The following SLC38A9 variants were observed in gnomAD, a reference collection of about 807,000 sequenced individuals.
SLC38A9 encodes solute carrier family 38 member 9, also known as neutral amino acid transporter 9.
SLC38A9 carries 48 observed loss-of-function variants against 62.3 expected under a neutral mutation model. The ratio of observed to expected loss-of-function variants is 0.77; its 90% CI spans 0.61 to 0.98. SLC38A9 has a LOEUF of 0.98. Among genes scored for constraint, SLC38A9 ranks in the 50% least tolerant of loss-of-function variants. The pLI is 0.00. For missense variants in SLC38A9, 541 were observed against 679.8 expected, an observed-to-expected ratio of 0.80 and a Z score of 2.27; for synonymous variants, 204 against 227.7, an observed-to-expected ratio of 0.90 and a Z score of 0.94.
rs1328441297 is a variant in SLC38A9 at position 55,628,000 on chromosome 5, T to C, written c.1431-20A>G. ...AAAATGCTAGAAGTTGAGAAGAGAGTTTGGAAGAAAGAAAAAATATAAAAA... is the reference window on the plus strand; with the variant it reads ...AAAATGCTAGAAGTTGAGAAGAGAGCTTGGAAGAAAGAAAAAATATAAAAA... On this transcript the variant is annotated intron_variant, in intron 14 of 15. Transcript: ENST00000396865. The C allele has an allele frequency of 6.4e-7, 1 of 1,561,490 alleles. No homozygotes were observed. The highest frequency in any genetic ancestry group is 2.2e-5 in the East Asian group (1 of 44,550).
chr5:55,689,598 GCAGA>G (rs1315154456), intron 3 of SLC38A9, among the ~76,000 whole-genome samples: 1 of 152,116 alleles, frequency 6.6e-6, no homozygotes, highest in East Asian at 1.9e-4. Flanking sequence ...ACAATATTGA[GCAGA>G]CAGAGAACAA....
chr5:55,649,857 G>A (rs1165244008), intron 10 of SLC38A9, among the ~76,000 whole-genome samples: 1 of 151,946 alleles, frequency 6.6e-6, no homozygotes, highest in East Asian at 1.9e-4. Context: ...AGAAGAATCA[G>A]ATGAAGGTAG....
intron 9 of SLC38A9, among the ~76,000 whole-genome samples, chr5:55,654,299 T>G (rs1748030939): frequency 6.6e-6 from 1 of 152,208 alleles, no homozygotes; most frequent in African/African-American, 2.4e-5. Flanking sequence ...GAAATTTTCT[T>G]GTGCTAATTA....
At position 55,673,062 on chromosome 5, in the gene SLC38A9, A is replaced by G. The variant is rs78068419; in HGVS notation, c.114-367T>C. Among the ~76,000 whole-genome samples, 983 of 152,336 alleles carry G rather than the reference A, an allele frequency of 6.5e-3. 13 individuals are homozygous for G. Among genetic ancestry groups the G allele is most frequent in the African/African-American group, 0.023 (952 of 41,580 alleles). ...ATAGTCTCTCAAAAAAGCTTTTGGCACTAAATCAGAGAAATTATGGACTAA... is the reference window on the plus strand; with the variant it reads ...ATAGTCTCTCAAAAAAGCTTTTGGCGCTAAATCAGAGAAATTATGGACTAA... On this transcript the variant is annotated intron_variant, in intron 3 of 15. Transcript: ENST00000396865.
At position 55,693,803 on chromosome 5, in the gene SLC38A9, G is replaced by C. The variant is rs534982115; in HGVS notation, c.113+4043C>G. Among the ~76,000 whole-genome samples, 3 of 152,244 alleles carry C rather than the reference G, an allele frequency of 2.0e-5. No homozygotes were observed. The South Asian group carries it at 6.2e-4, about 32-fold the overall frequency. ...GAGCCAGGCGTGGTGACTCACACCT[G>C]TAATCCCAACACTTTGGGAGGGCAA... On this transcript the variant is annotated intron_variant, in intron 3 of 15. Coordinates refer to ENST00000396865, the MANE Select transcript of SLC38A9 (RefSeq NM_173514.4).
Position 55,652,732 on chromosome 5 carries a change from G to GA in SLC38A9, c.758-10_758-9insT. The stretch of plus-strand genomic sequence containing the variant: ...GGCACTTGGACAAATCACTGCAATA[G>GA]GAAAGCACCAGATTAAAGAAGATGA... On this transcript the variant is annotated splice_polypyrimidine_tract_variant and intron_variant, in intron 9 of 15. Transcript: ENST00000396865. 6.3e-7 allele frequency: 1 copy of GA among 1,595,984 alleles called. No homozygotes were observed. The highest frequency in any genetic ancestry group is 8.5e-7 in the Non-Finnish European group (1 of 1,172,558).
At chr5:55,683,314 C>T (rs1753301528) in intron 3 of SLC38A9, among the ~76,000 whole-genome samples, 1 of 152,164 alleles carries the variant, frequency 6.6e-6, no homozygotes, top group Non-Finnish European at 1.5e-5. Flanking sequence ...ACTCAAACTC[C>T]TCGGCTCAAG....
chr5:55,664,764 A>G lies in SLC38A9; in HGVS notation c.626T>C (p.Leu209Pro). The G allele has an allele frequency of 6.3e-7, 1 of 1,596,572 alleles. No homozygotes were observed. Among genetic ancestry groups the G allele is most frequent in the South Asian group, 1.1e-5 (1 of 87,146 alleles). ...WSSLLFSLVS[L>P]IGAMIVYWVL... ...CCAATAAACTATCATTGCTCCAATG[A>G]GAGACACCAAGGAGAAAAGGAGACT... The change falls in exon 8 of 16, where the codon CTC becomes CCC. Residue 209 changes from leucine to proline, a missense_variant. Transcript: ENST00000396865.
chr5:55,667,907 G>C lies in SLC38A9; in HGVS notation c.526+1321C>G, dbSNP rs138996799. Among the ~76,000 whole-genome samples, 199 of 152,230 alleles carry C rather than the reference G, an allele frequency of 1.3e-3. No homozygotes were observed. The Middle Eastern group carries it at 0.014, about 10-fold the overall frequency. Reference sequence around the variant, plus strand: ...AATAACATGGAAGTTAACAGTTATAGAGCCAATAATCCCAGCATTTTGGGA... The same window carrying C: ...AATAACATGGAAGTTAACAGTTATACAGCCAATAATCCCAGCATTTTGGGA... On this transcript the variant is annotated intron_variant, in intron 7 of 15. Coordinates refer to ENST00000396865, the MANE Select transcript of SLC38A9 (RefSeq NM_173514.4).
At chr5:55,710,067 CAAAAAAA>C (rs1174162436) in intron 2 of SLC38A9, among the ~76,000 whole-genome samples, 3 of 20,890 alleles carry the variant, frequency 1.4e-4, no homozygotes, top group African/African-American at 3.8e-4. Flanking sequence ...GACTCCATCT[CAAAAAAA>C]AAAAAAAAAA....
intron 3 of SLC38A9, among the ~76,000 whole-genome samples, chr5:55,678,645 C>CTTTGTTTTTTTTTTTTTTTTTTTTTTTT: frequency 2.2e-5 from 1 of 45,800 alleles, no homozygotes; most frequent in Non-Finnish European, 4.3e-5. Flanking sequence ...CTGAAATGAA[C>CTTTGTTTTTTTTTTTTTTTTTTTTTTTT]TTTTTTTTTT....
chr5:55,678,309 G>A (rs1752488147), intron 3 of SLC38A9, among the ~76,000 whole-genome samples: 1 of 151,248 alleles, frequency 6.6e-6, no homozygotes, highest in African/African-American at 2.4e-5. Flanking sequence ...AGCTAATTTT[G>A]TATTTTTAGT....
At chr5:55,671,806 C>A (rs1268609969) in intron 4 of SLC38A9, among the ~76,000 whole-genome samples, 1 of 152,128 alleles carries the variant, frequency 6.6e-6, no homozygotes, top group African/African-American at 2.4e-5. Flanking sequence ...CGAGATTGCG[C>A]CACTGCACTC....
chr5:55,661,213 G>A (rs950527563), intron 8 of SLC38A9, among the ~76,000 whole-genome samples: 1 of 152,038 alleles, frequency 6.6e-6, no homozygotes, highest in East Asian at 1.9e-4. Flanking sequence ...GGGAGGCCGA[G>A]GTGGGCGGAT....
intron 1 of SLC38A9, 100 bp from the exon 2 acceptor site, chr5:55,711,599 T>C (rs1200996122): frequency 6.6e-6 from 1 of 152,180 alleles, no homozygotes; most frequent in Non-Finnish European, 1.5e-5. Flanking sequence ...ACACACTCAC[T>C]CTCACAACTG....
intron 3 of SLC38A9, among the ~76,000 whole-genome samples, chr5:55,673,860 C>T (rs1317073467): frequency 6.6e-6 from 1 of 152,024 alleles, no homozygotes; most frequent in Non-Finnish European, 1.5e-5. Context: ...TACAGGTGTG[C>T]ACCACCATGC....
intron 2 of SLC38A9, among the ~76,000 whole-genome samples, chr5:55,703,305 A>T (rs1400136495): frequency 1.3e-5 from 2 of 152,214 alleles, no homozygotes; most frequent in African/African-American, 2.4e-5. Flanking sequence ...TCCAATTTTC[A>T]GTTCATCATT....
rs555800428 is a variant in SLC38A9, at chr5:55,656,558, T to C, written c.757+157A>G. On this transcript the variant is annotated intron_variant, in intron 9 of 15. Transcript: ENST00000396865. ...AACACAGCCTTTTTGGAGGTTCTTT[T>C]TTTTTTAAACACACTACCAACAATT... is the stretch of plus-strand genomic sequence containing the variant. 2.2e-4 allele frequency among the ~76,000 whole-genome samples: 34 copies of C among 152,308 alleles called. No homozygotes were observed. The South Asian group carries it at 5.4e-3, about 24-fold the overall frequency.
At chr5:55,688,774 T>TA (rs1561418175) in intron 3 of SLC38A9, among the ~76,000 whole-genome samples, 1 of 152,126 alleles carries the variant, frequency 6.6e-6, no homozygotes, top group Admixed American at 6.5e-5. Flanking sequence ...ACATAATTTT[T>TA]AAAAAATAAA....
Sources: gnomAD v4.1 joint callset for allele counts (sites outside exome capture counted in the v4.1 genomes callset) on GRCh38, gnomAD v4.1.1 for gene constraint, MANE v1.5 for transcripts, NCBI Gene and HGNC (gene_info 2026-07-23, HGNC 2026-07-21) for gene names.